Variants in ACAN observed in about 807,000 individuals in gnomAD.
ACAN encodes aggrecan core protein.
A neutral mutation model predicts 169.1 loss-of-function variants in ACAN; 47 were observed. The observed-to-expected ratio is 0.28, with a 90% CI of 0.22 to 0.35. ACAN has a LOEUF of 0.35. Among genes scored for constraint, ACAN ranks in the 10% least tolerant of loss-of-function variants. The pLI is 1.00. For synonymous variants in ACAN, 1,115 were observed against 1,112.2 expected (o/e 1.00, Z -0.05); for missense variants, 2,716 against 2,759.9 (o/e 0.98, Z 0.36).
intron 1 of ACAN, among the ~76,000 whole-genome samples, chr15:88,834,835 G>A (rs981218893): frequency 1.4e-4 from 21 of 152,312 alleles, no homozygotes; most frequent in East Asian, 5.8e-4. Context: ...TAAAAATCCT[G>A]AGGTCCAGGC....
At chr15:88,850,452 C>G (rs1896905527) in intron 10 of ACAN, 1 of 154,138 alleles carries the variant, frequency 6.5e-6, no homozygotes, top group South Asian at 2.0e-4. Flanking sequence ...TGAGTTCCTG[C>G]AGAGTCCATG....
chr15:88,807,861 A>G lies in ACAN; in HGVS notation c.-8+4052A>G, dbSNP rs564519543. ...CTTCTCTCCCTCTCAATGGCCTTACAGTGTATCCTAAAGAAGCTTTTTGTT... is the reference window on the plus strand; with the variant it reads ...CTTCTCTCCCTCTCAATGGCCTTACGGTGTATCCTAAAGAAGCTTTTTGTT... On this transcript the variant is annotated intron_variant, in intron 1 of 18. Coordinates refer to ENST00000560601, the MANE Select transcript of ACAN (RefSeq NM_001369268.1). The surrounding 1 kb of genome is among the most constrained non-coding windows in gnomAD (Gnocchi z 4.0). Among the ~76,000 whole-genome samples the G allele has an allele frequency of 6.6e-6, 1 of 151,756 alleles. No individual in the cohort carries two copies. The highest frequency in any genetic ancestry group is 1.5e-5 in the Non-Finnish European group (1 of 67,994).
At chr15:88,819,177 G>A (rs1267472138) in intron 1 of ACAN, among the ~76,000 whole-genome samples, 1 of 152,202 alleles carries the variant, frequency 6.6e-6, no homozygotes, top group Non-Finnish European at 1.5e-5. Context: ...GAGGACTGGG[G>A]ACATGCCAGA....
At position 88,843,624 on chromosome 15, in the gene ACAN, C is replaced by T. The variant is rs376508432; in HGVS notation, c.1027C>T (p.Arg343Cys). Residue 343 changes from arginine to cysteine, a missense_variant, in exon 6 of 19, where the codon CGC (arginine) becomes TGC (cysteine). Physicochemically the swap from Arg to Cys is radical, Grantham distance 180. Around this residue, in one of 3 missense-constraint regions of ACAN, gnomAD observed 1,283 missense variants for 1,281.5 expected, o/e 1.00. Coordinates refer to ENST00000560601, the MANE Select transcript of ACAN (RefSeq NM_001369268.1). The surrounding 1 kb of genome is among the most constrained non-coding windows in gnomAD (Gnocchi z 4.0). ...NQTGYPDPSSRYDAICYTGED... is the reference protein window; with the variant it reads ...NQTGYPDPSSCYDAICYTGED... ...GACGGGCTACCCCGACCCCTCATCC[C>T]GCTACGACGCCATCTGCTACACAGG... is the stretch of plus-strand genomic sequence containing the variant. The T allele has an allele frequency of 1.1e-5, 17 of 1,586,096 alleles. No homozygotes were observed. Among genetic ancestry groups the T allele is most frequent in the Non-Finnish European group, 1.4e-5 (16 of 1,159,420 alleles).
In ACAN at chr15:88,858,927, T is replaced by C; in HGVS notation, c.6342T>C (p.Ser2114=). 6.2e-7 allele frequency: 1 copy of C among 1,609,466 alleles called. No homozygotes were observed. The highest frequency in any genetic ancestry group is 1.1e-5 in the South Asian group (1 of 90,920). Residue 2114 remains serine (S), a synonymous_variant, in exon 12 of 19, where the codon TCT becomes TCC. Coordinates refer to ENST00000560601, the MANE Select transcript of ACAN (RefSeq NM_001369268.1). The surrounding 1 kb of genome is among the most constrained non-coding windows in gnomAD (Gnocchi z 4.0). ...SAYPEAGFGA[S]AAPEASREDS... ...ATCCTGAAGCTGGGTTCGGGGCATC[T>C]GCCGCCCCTGAGGCCAGCAGAGAAG...
chr15:88,847,316 G>T lies in ACAN; in HGVS notation c.1503G>T (p.Leu501=). The change falls in exon 8 of 19, where the codon CTG becomes CTT. Residue 501 remains leucine (L), a synonymous_variant. Transcript: ENST00000560601. ...LTFEEAQQAC[L]RTGAVIASPE... ...TTGAGGAGGCACAGCAGGCCTGCCT[G>T]CGCACGGGGGCGGTCATTGCCTCGC... 1 of 1,576,272 alleles carries T rather than the reference G, an allele frequency of 6.3e-7. No homozygotes were observed. The highest frequency in any genetic ancestry group is 2.3e-5 in the East Asian group (1 of 42,782).
Position 88,871,461 on chromosome 15 carries a change from G to A in ACAN, c.7140G>A (p.Val2380=). The A allele has an allele frequency of 6.2e-7, 1 of 1,613,948 alleles. No individual in the cohort carries two copies. The highest frequency in any genetic ancestry group is 8.5e-7 in the Non-Finnish European group (1 of 1,179,882). The change falls in exon 15 of 19, where the codon GTG becomes GTA. Residue 2380 remains valine, a synonymous_variant. Transcript: ENST00000560601. This position sits in a 1 kb window ranked among gnomAD's most constrained non-coding sequence, Gnocchi z 7.8. ...ACTTCCCGGACCGCGAGACCTGGGT[G>A]GATGCTGAGCGCCGGTGTCGGGAGC... is the stretch of plus-strand genomic sequence containing the variant. ...YRHFPDRETW[V]DAERRCREQQ... is the part of the protein sequence containing the mutation.
At position 88,845,837 on chromosome 15, in the gene ACAN, G is replaced by T. The variant is rs200734577; in HGVS notation, c.1384G>T (p.Val462Phe). Residue 462 changes from valine (V) to phenylalanine (F), a missense_variant, in exon 7 of 19, where the codon GTC becomes TTC. Physicochemically the swap from Val to Phe is conservative, Grantham distance 50 (BLOSUM62 -1). Transcript: ENST00000560601. ...PATAFTSEDLVVQVTAVPGQP... is the reference protein window; with the variant it reads ...PATAFTSEDLFVQVTAVPGQP... ...CACGGCATTCACCAGTGAGGACCTCGTCGTGCAGGTGACCGCTGTCCCTGG... is the reference window on the plus strand; with the variant it reads ...CACGGCATTCACCAGTGAGGACCTCTTCGTGCAGGTGACCGCTGTCCCTGG... The T allele has an allele frequency of 3.5e-5, 52 of 1,494,494 alleles. No individual in the cohort carries two copies. The highest frequency in any genetic ancestry group is 4.4e-5 in the Non-Finnish European group (49 of 1,119,344). The allele number at this position is 1,494,494 out of a possible 1,614,324, so 92.6% of individuals were successfully genotyped here.
rs2141576462 is a variant in ACAN, at chr15:88,843,387, T to C, written c.790T>C (p.Phe264Leu). ...CTTTTATGCAACATCTCCAGAGAAGTTCACCTTCCAGGAAGCAGCCAATGA... is the reference window on the plus strand; with the variant it reads ...CTTTTATGCAACATCTCCAGAGAAGCTCACCTTCCAGGAAGCAGCCAATGA... Reference protein sequence around the residue: ...EVFYATSPEKFTFQEAANECR... With the variant: ...EVFYATSPEKLTFQEAANECR... Residue 264 changes from phenylalanine to leucine, a missense_variant, in exon 6 of 19, where the codon TTC becomes CTC. Transcript: ENST00000560601. The surrounding 1 kb of genome is among the most constrained non-coding windows in gnomAD (Gnocchi z 4.0). 1 of 1,596,782 alleles carries C rather than the reference T, an allele frequency of 6.3e-7. No homozygotes were observed. Among genetic ancestry groups the C allele is most frequent in the South Asian group, 1.1e-5 (1 of 89,788 alleles).
rs989933730 is a variant in ACAN at position 88,869,252 on chromosome 15, G to T, written c.7060+923G>T. ...CAGACAGAACTGGAAGTGTGTAGGG[G>T]CTTAAAATCCTTTTCAATGAACTCT... On this transcript the variant is annotated intron_variant, in intron 14 of 18. Transcript: ENST00000560601. This position sits in a 1 kb window ranked among gnomAD's most constrained non-coding sequence, Gnocchi z 4.2. Among the ~76,000 whole-genome samples, 2 of 152,162 alleles carry T rather than the reference G, an allele frequency of 1.3e-5. No individual in the cohort carries two copies. Among genetic ancestry groups the T allele is most frequent in the African/African-American group, 4.8e-5 (2 of 41,416 alleles).
At chr15:88,829,120 T>TATC (rs1896296915) in intron 1 of ACAN, among the ~76,000 whole-genome samples, 1 of 151,146 alleles carries the variant, frequency 6.6e-6, no homozygotes, top group African/African-American at 2.4e-5. Context: ...GAATTTGATT[T>TATC]AAGATGCTTC....
chr15:88,812,583 C>T (rs1237936701), intron 1 of ACAN, among the ~76,000 whole-genome samples: 2 of 152,180 alleles, frequency 1.3e-5, no homozygotes, highest in South Asian at 2.1e-4. Context: ...TTTGCCCTCT[C>T]GGTCCCCCTG....
At chr15:88,812,531 C>T (rs1895845870) in intron 1 of ACAN, among the ~76,000 whole-genome samples, 1 of 152,174 alleles carries the variant, frequency 6.6e-6, no homozygotes, top group African/African-American at 2.4e-5. Flanking sequence ...CTCCCCTCCT[C>T]CACCTCCCTG....
chr15:88,808,510 A>T (rs1895741427), intron 1 of ACAN, among the ~76,000 whole-genome samples: 1 of 152,110 alleles, frequency 6.6e-6, no homozygotes, highest in Non-Finnish European at 1.5e-5. Context: ...ACCAACCTGA[A>T]CCTGACCCCT....
chr15:88,830,886 A>T (rs1455471742), intron 1 of ACAN, among the ~76,000 whole-genome samples: 1 of 152,180 alleles, frequency 6.6e-6, no homozygotes, highest in Non-Finnish European at 1.5e-5. Flanking sequence ...CTGCAGCATC[A>T]CCAGGTGATC....
chr15:88,836,554 C>G (rs1434322076), intron 2 of ACAN, among the ~76,000 whole-genome samples: 1 of 152,256 alleles, frequency 6.6e-6, no homozygotes, highest in African/African-American at 2.4e-5. Context: ...CAGGTGCCCT[C>G]CTTCCCTCCA....
Position 88,848,057 on chromosome 15 carries a change from C to T in ACAN, c.1732+19C>T. On this transcript the variant is annotated intron_variant, in intron 9 of 18. Transcript: ENST00000560601. ...CTTGAGGGTACAAGCCACATTCTCACATTTCGGGCCCTAGATGGGCAGGGG... is the reference window on the plus strand; with the variant it reads ...CTTGAGGGTACAAGCCACATTCTCATATTTCGGGCCCTAGATGGGCAGGGG... 2 of 1,611,378 alleles carry T rather than the reference C, an allele frequency of 1.2e-6. No homozygotes were observed. The highest frequency in any genetic ancestry group is 8.5e-7 in the Non-Finnish European group (1 of 1,178,178).
At position 88,849,897 on chromosome 15, in the gene ACAN, C is replaced by A. The variant is rs1270647021; in HGVS notation, c.2026+166C>A. The A allele has an allele frequency of 2.0e-6, 2 of 994,064 alleles. No individual in the cohort carries two copies. Among genetic ancestry groups the A allele is most frequent in the Non-Finnish European group, 3.1e-6 (2 of 650,296 alleles). 61.6% of individuals were successfully genotyped at this position (994,064 alleles called of 1,614,324 possible). A position where few individuals can be genotyped will look rare whatever the true frequency, so the allele number is the denominator to read the frequency against. ...AACCAGCACAACGCAGGCTTTGACC[C>A]CAAGGCAAGGTCATCCTTCTAAAGT... On this transcript the variant is annotated intron_variant, in intron 10 of 18. Transcript: ENST00000560601. This position sits in a 1 kb window ranked among gnomAD's most constrained non-coding sequence, Gnocchi z 5.1.
chr15:88,846,237 G>A (rs780817382), intron 7 of ACAN, among the ~76,000 whole-genome samples: 14 of 152,044 alleles, frequency 9.2e-5, no homozygotes, highest in Non-Finnish European at 1.8e-4. Flanking sequence ...ACAAAACAGA[G>A]CCACTAGAAA....
Sources: allele counts gnomAD v4.1 joint callset (sites outside exome capture counted in the v4.1 genomes callset), GRCh38; gene constraint gnomAD v4.1.1; regional missense constraint gnomAD v4.1.1; non-coding constraint Gnocchi (gnomAD v3.1); transcripts MANE v1.5; gene names NCBI Gene and HGNC (gene_info 2026-07-23, HGNC 2026-07-21).